Variants in TSNAX observed in about 807,000 individuals in gnomAD.
TSNAX encodes the protein translin-associated protein X.
TSNAX carries 12 observed loss-of-function variants against 33.0 expected under a neutral mutation model. That is an observed-to-expected ratio of 0.36 (90% CI 0.23 to 0.59). TSNAX has a LOEUF of 0.59. Ranked by LOEUF, TSNAX falls within the 20% of genes least tolerant of loss-of-function variation. The pLI is 0.74. For missense variants in TSNAX, 267 were observed against 341.3 expected, an observed-to-expected ratio of 0.78 and a Z score of 1.72; for synonymous variants, 110 against 117.2, an observed-to-expected ratio of 0.94 and a Z score of 0.40.
intron 1 of TSNAX, 121 bp downstream of exon 1, chr1:231,528,947 G>T: frequency 7.4e-7 from 1 of 1,348,032 alleles, no homozygotes. Flanking sequence ...ACTCGGGGGC[G>T]GCCCCTCTGT....
At chr1:231,538,248 C>T (rs1478032636) in intron 3 of TSNAX, among the ~76,000 whole-genome samples, 4 of 152,156 alleles carry the variant, frequency 2.6e-5, no homozygotes, top group Admixed American at 2.6e-4. Flanking sequence ...CTAACTTAAA[C>T]TAGTCTAAGC....
chr1:231,533,162 G>A (rs1318536448), intron 2 of TSNAX, among the ~76,000 whole-genome samples: 1 of 145,192 alleles, frequency 6.9e-6, no homozygotes, highest in Non-Finnish European at 1.5e-5. Flanking sequence ...CGCCTCCCAG[G>A]TTCAAGCAAT....
At chr1:231,541,964 AC>A (rs1659603376) in intron 3 of TSNAX, among the ~76,000 whole-genome samples, 1 of 151,604 alleles carries the variant, frequency 6.6e-6, no homozygotes, top group Admixed American at 6.6e-5. Context: ...AAAACTCCCA[AC>A]TCCTTTTCTA....
Position 231,565,759 on chromosome 1 carries a change from T to G in TSNAX, c.*854T>G, listed in dbSNP as rs1006778335. On this transcript the variant is annotated 3_prime_UTR_variant, in exon 6 of 6. Transcript: ENST00000366639. ...AGAAAGAAAAAAGAAAGTACAAGTTTATAAAGTATTATAGTGAAAAATTCG... is the reference window on the plus strand; with the variant it reads ...AGAAAGAAAAAAGAAAGTACAAGTTGATAAAGTATTATAGTGAAAAATTCG... The G allele has an allele frequency of 2.0e-5, 3 of 152,092 alleles. No homozygotes were observed. Among genetic ancestry groups the G allele is most frequent in the Non-Finnish European group, 4.4e-5 (3 of 67,996 alleles). 9.4% of individuals were successfully genotyped at this position (152,092 alleles called of 1,614,324 possible).
rs1661342124 is a variant in TSNAX, at chr1:231,565,107, A to G, written c.*202A>G. ...ATATCTTATTCATGAAAGTTTGCAT[A>G]CAGATGTTTGCATATATGCCTTTTT... On this transcript the variant is annotated 3_prime_UTR_variant, in exon 6 of 6. Coordinates refer to ENST00000366639, the MANE Select transcript of TSNAX (RefSeq NM_005999.3). 1.5e-6 allele frequency: 1 copy of G among 654,220 alleles called. No homozygotes were observed. The highest frequency in any genetic ancestry group is 3.0e-5 in the East Asian group (1 of 33,078). The allele number at this position is 654,220 out of a possible 1,614,324, so 40.5% of individuals were successfully genotyped here.
At chr1:231,559,957 G>T (rs913159547) in intron 4 of TSNAX, among the ~76,000 whole-genome samples, 2 of 150,562 alleles carry the variant, frequency 1.3e-5, no homozygotes, top group South Asian at 4.2e-4. Flanking sequence ...CTTTAAGAAA[G>T]ATCCAAATTA....
intron 3 of TSNAX, among the ~76,000 whole-genome samples, chr1:231,538,255 AAGC>A (rs1331233147): frequency 2.0e-5 from 3 of 152,254 alleles, no homozygotes; most frequent in African/African-American, 7.2e-5. Flanking sequence ...AAACTAGTCT[AAGC>A]AGAACGGGGA....
chr1:231,529,781 A>C (rs1486375390), intron 2 of TSNAX, among the ~76,000 whole-genome samples: 1 of 152,222 alleles, frequency 6.6e-6, no homozygotes, highest in Non-Finnish European at 1.5e-5. Flanking sequence ...TCTATTAGTG[A>C]ATCTCGCATA....
intron 2 of TSNAX, among the ~76,000 whole-genome samples, chr1:231,532,946 G>T (rs969388643): frequency 1.6e-4 from 24 of 152,082 alleles, no homozygotes; most frequent in African/African-American, 5.5e-4. Context: ...TGTATTCTAA[G>T]AAAATTAAAA....
chr1:231,532,578 A>G (rs776093169), intron 2 of TSNAX, among the ~76,000 whole-genome samples: 7 of 152,194 alleles, frequency 4.6e-5, no homozygotes, highest in Non-Finnish European at 1.0e-4. Context: ...AAACTTGAAA[A>G]AAAAGGTCCA....
chr1:231,566,215 A>G lies in TSNAX; in HGVS notation c.*1310A>G, dbSNP rs1010197131. ...TCCCATGGTGTTAATAAAGTTGCCA[A>G]AGAAGATGTATTATGAACAATTCAG... On this transcript the variant is annotated 3_prime_UTR_variant, in exon 6 of 6. Coordinates refer to ENST00000366639, the MANE Select transcript of TSNAX (RefSeq NM_005999.3). 10 of 152,608 alleles carry G rather than the reference A, an allele frequency of 6.6e-5. No individual in the cohort carries two copies. The highest frequency in any genetic ancestry group is 9.7e-5 in the African/African-American group (4 of 41,446). The allele number at this position is 152,608 out of a possible 1,614,324, so 9.5% of individuals were successfully genotyped here.
chr1:231,547,446 A>G (rs1018806492), intron 4 of TSNAX, among the ~76,000 whole-genome samples: 12 of 132,462 alleles, frequency 9.1e-5, no homozygotes, highest in Non-Finnish European at 1.7e-4. Flanking sequence ...GCTGGAGTGC[A>G]GTGGCGTGAT....
At chr1:231,537,740 CAAAAAA>C (rs541527416) in intron 3 of TSNAX, among the ~76,000 whole-genome samples, 2 of 66,278 alleles carry the variant, frequency 3.0e-5, no homozygotes, top group African/African-American at 5.0e-5. Context: ...GACCCTGTCT[CAAAAAA>C]AAAAAAAAAA....
At chr1:231,564,481 T>G (rs1024626565) in intron 5 of TSNAX, 47 bp from the exon 6 acceptor site, 13 of 1,522,642 alleles carry the variant, frequency 8.5e-6, no homozygotes, top group Non-Finnish European at 1.2e-5. Flanking sequence ...GTGTTCTTTC[T>G]TGTGTGTGTG....
chr1:231,561,096 ATTC>A (rs758817197), intron 4 of TSNAX, 29 bp from the exon 5 acceptor site: 2 of 1,596,926 alleles, frequency 1.3e-6, no homozygotes, highest in Admixed American at 3.6e-5. Context: ...TTAAGTGCTT[ATTC>A]TTAGTAATTT....
intron 4 of TSNAX, among the ~76,000 whole-genome samples, chr1:231,560,756 TA>T (rs1252258154): frequency 6.6e-6 from 1 of 151,806 alleles, no homozygotes; most frequent in Non-Finnish European, 1.5e-5. Flanking sequence ...CTTAAACTCT[TA>T]AAAAAATTTT....
rs990768843 is a variant in TSNAX at position 231,566,190 on chromosome 1, T to C, written c.*1285T>C. ...CTAAGTTAATCCAGACCTTTAGTTG[T>C]CCCATGGTGTTAATAAAGTTGCCAA... On this transcript the variant is annotated 3_prime_UTR_variant, in exon 6 of 6. Coordinates refer to ENST00000366639, the MANE Select transcript of TSNAX (RefSeq NM_005999.3). The C allele has an allele frequency of 6.6e-6, 1 of 152,616 alleles. No homozygotes were observed. Among genetic ancestry groups the C allele is most frequent in the African/African-American group, 2.4e-5 (1 of 41,454 alleles). 9.5% of individuals were successfully genotyped at this position (152,616 alleles called of 1,614,324 possible).
Position 231,537,194 on chromosome 1 carries a change from G to C in TSNAX, c.122-19G>C. The C allele has an allele frequency of 6.5e-7, 1 of 1,547,680 alleles. No homozygotes were observed. The highest frequency in any genetic ancestry group is 1.1e-5 in the South Asian group (1 of 88,070). On this transcript the variant is annotated intron_variant, in intron 2 of 5. Transcript: ENST00000366639. ...TTGAGTATAGAATATACATGCTTAT[G>C]ATCATAATGTGTTTTTAGCATTTCA...
chr1:231,553,685 T>G (rs1166055328), intron 4 of TSNAX, among the ~76,000 whole-genome samples: 1 of 150,592 alleles, frequency 6.6e-6, no homozygotes, highest in South Asian at 2.1e-4. Flanking sequence ...TTCTTTCCTT[T>G]TTTTTTTTTT....
Sources: allele counts gnomAD v4.1 joint callset (sites outside exome capture counted in the v4.1 genomes callset), GRCh38; gene constraint gnomAD v4.1.1; transcripts MANE v1.5; gene names NCBI Gene and HGNC (gene_info 2026-07-23, HGNC 2026-07-21).